The following TRABD2B variants were observed in gnomAD, a reference collection of about 807,000 sequenced individuals.
TRABD2B encodes metalloprotease TIKI2.
A neutral mutation model predicts 40.1 loss-of-function variants in TRABD2B; 14 were observed. That is an observed-to-expected ratio of 0.35 (90% CI 0.23 to 0.55). TRABD2B has a LOEUF of 0.55. TRABD2B is among the 20% of genes least tolerant of loss of function. TRABD2B has a pLI of 0.90. For missense variants in TRABD2B, 541 were observed against 648.6 expected (o/e 0.83, Z 1.80); for synonymous variants, 263 against 277.0 (o/e 0.95, Z 0.50).
chr1:47,857,545 T>C (rs1325610751), intron 2 of TRABD2B, among the ~76,000 whole-genome samples: 1 of 152,172 alleles, frequency 6.6e-6, no homozygotes, highest in Admixed American at 6.5e-5. Flanking sequence ...GGTGTCCCTC[T>C]GAATTCCTCC....
intron 2 of TRABD2B, among the ~76,000 whole-genome samples, chr1:47,890,660 T>C (rs1557639373): frequency 1.3e-5 from 2 of 152,284 alleles, no homozygotes; most frequent in South Asian, 2.1e-4. Context: ...ATCTGCCAAA[T>C]GCCTTCTCAC....
At chr1:47,769,532 G>A (rs547219930) in intron 6 of TRABD2B, among the ~76,000 whole-genome samples, 8 of 152,336 alleles carry the variant, frequency 5.3e-5, no homozygotes, top group African/African-American at 1.9e-4. Flanking sequence ...TGGAGGACAA[G>A]CCCCTCCAAA....
At chr1:47,826,880 C>G (rs1318221874) in intron 2 of TRABD2B, among the ~76,000 whole-genome samples, 1 of 152,136 alleles carries the variant, frequency 6.6e-6, no homozygotes, top group African/African-American at 2.4e-5. Flanking sequence ...GCCTAGGGAG[C>G]CATTCTTGGA....
chr1:47,948,193 T>G (rs1285955754), intron 2 of TRABD2B, among the ~76,000 whole-genome samples: 1 of 152,160 alleles, frequency 6.6e-6, no homozygotes, highest in East Asian at 1.9e-4. Flanking sequence ...ACAGTGGGGA[T>G]AGAGAGACTT....
At chr1:47,945,266 TGG>T (rs1198495907) in intron 2 of TRABD2B, among the ~76,000 whole-genome samples, 3 of 152,130 alleles carry the variant, frequency 2.0e-5, no homozygotes, top group Non-Finnish European at 4.4e-5. Context: ...CATCTTGGAT[TGG>T]ACATGGATGT....
At chr1:47,775,066 C>G in intron 6 of TRABD2B, 104 bp downstream of exon 6, 2 of 1,130,576 alleles carry the variant, frequency 1.8e-6, no homozygotes, top group Non-Finnish European at 2.2e-6. Context: ...TTCCTTAGAG[C>G]AGGGCTGGCC....
At chr1:47,851,412 G>C (rs1645547829) in intron 2 of TRABD2B, among the ~76,000 whole-genome samples, 2 of 152,300 alleles carry the variant, frequency 1.3e-5, no homozygotes, top group African/African-American at 4.8e-5. Context: ...AGAGTCACAA[G>C]AATGTATGTG....
At chr1:47,849,081 C>T (rs1209621432) in intron 2 of TRABD2B, among the ~76,000 whole-genome samples, 1 of 152,228 alleles carries the variant, frequency 6.6e-6, no homozygotes, top group Non-Finnish European at 1.5e-5. Context: ...TTGAGGATCA[C>T]AGCAGTTAAG....
intron 2 of TRABD2B, among the ~76,000 whole-genome samples, chr1:47,986,494 GTA>G (rs1645920687): frequency 6.6e-6 from 1 of 152,150 alleles, no homozygotes; most frequent in Non-Finnish European, 1.5e-5. Flanking sequence ...TGAGAAAAAA[GTA>G]TAAACAAAAT....
At chr1:47,864,440 T>G (rs1644024780) in intron 2 of TRABD2B, among the ~76,000 whole-genome samples, 1 of 151,978 alleles carries the variant, frequency 6.6e-6, no homozygotes, top group Admixed American at 6.6e-5. Flanking sequence ...TTCCTCTCAA[T>G]GTTGTTGTAA....
At chr1:47,840,552 C>T (rs1423310558) in intron 2 of TRABD2B, among the ~76,000 whole-genome samples, 1 of 152,164 alleles carries the variant, frequency 6.6e-6, no homozygotes, top group Admixed American at 6.5e-5. Context: ...TTTGGCAGAC[C>T]CACTGGGATT....
chr1:47,802,071 C>T (rs760064182), intron 2 of TRABD2B, among the ~76,000 whole-genome samples: 34 of 152,292 alleles, frequency 2.2e-4, no homozygotes, highest in Admixed American at 1.2e-3. Context: ...ACCTAAAGGC[C>T]GCCTACCCTG....
At chr1:47,961,767 A>T (rs1390452742) in intron 2 of TRABD2B, among the ~76,000 whole-genome samples, 1 of 152,232 alleles carries the variant, frequency 6.6e-6, no homozygotes, top group African/African-American at 2.4e-5. Flanking sequence ...TGTTGGTGGG[A>T]CTGCAAACTA....
intron 2 of TRABD2B, among the ~76,000 whole-genome samples, chr1:47,822,583 A>G (rs199913826): frequency 1.4e-4 from 11 of 79,196 alleles, no homozygotes; most frequent in Non-Finnish European, 3.2e-4. Flanking sequence ...CATCTGTAAA[A>G]TGGGATGTCT....
chr1:47,906,898 T>G (rs1325837162), intron 2 of TRABD2B, among the ~76,000 whole-genome samples: 1 of 152,240 alleles, frequency 6.6e-6, no homozygotes, highest in Non-Finnish European at 1.5e-5. Flanking sequence ...TCCCTTGTGC[T>G]GTCGGTCCCC....
At chr1:47,943,680 A>G (rs1645218358) in intron 2 of TRABD2B, among the ~76,000 whole-genome samples, 1 of 152,090 alleles carries the variant, frequency 6.6e-6, no homozygotes, top group Non-Finnish European at 1.5e-5. Flanking sequence ...TCTGCCTCAA[A>G]AAAGCAAAAC....
rs1310711344 is a variant in TRABD2B, at chr1:47,992,034, T to A, written c.666+2000A>T. 2.0e-5 allele frequency among the ~76,000 whole-genome samples: 3 copies of A among 152,274 alleles called. No homozygotes were observed. The South Asian group carries it at 6.2e-4, about 32-fold the overall frequency. ...AAAATGATAACAGGACAAATTGGCA[T>A]GATTGGACACTCTGGCAGGTGGTGA... is the stretch of plus-strand genomic sequence containing the variant. On this transcript the variant is annotated intron_variant, in intron 2 of 6. Transcript: ENST00000606738.
intron 2 of TRABD2B, among the ~76,000 whole-genome samples, chr1:47,878,528 G>A (rs560010750): frequency 2.0e-5 from 3 of 152,272 alleles, no homozygotes; most frequent in South Asian, 2.1e-4. Context: ...AGTCTCAGAC[G>A]TCTACGCATA....
intron 2 of TRABD2B, among the ~76,000 whole-genome samples, chr1:47,869,396 A>G (rs189407866): frequency 1.3e-5 from 2 of 152,222 alleles, no homozygotes; most frequent in Non-Finnish European, 2.9e-5. Context: ...AACTCATTGT[A>G]ACCACCAAAT....
Sources: allele counts gnomAD v4.1 joint callset (sites outside exome capture counted in the v4.1 genomes callset), GRCh38; gene constraint gnomAD v4.1.1; transcripts MANE v1.5; gene names NCBI Gene and HGNC (gene_info 2026-07-23, HGNC 2026-07-21).